FTO: variants seen among roughly 807,000 people sequenced by gnomAD.
FTO encodes the protein FTO alpha-ketoglutarate dependent dioxygenase, also known as alpha-ketoglutarate-dependent dioxygenase FTO.
A neutral mutation model predicts 63.9 loss-of-function variants in FTO; 47 were observed. The ratio of observed to expected loss-of-function variants is 0.74; its 90% CI spans 0.58 to 0.94. FTO has a LOEUF of 0.94. Among genes scored for constraint, FTO ranks in the 40% least tolerant of loss-of-function variants. FTO has a pLI of 0.00. For missense variants in FTO, 562 were observed against 618.1 expected, an observed-to-expected ratio of 0.91 and a Z score of 0.96; for synonymous variants, 207 against 224.4, an observed-to-expected ratio of 0.92 and a Z score of 0.69.
At chr16:53,881,122 AAAAT>A (rs60470419) in intron 6 of FTO, among the ~76,000 whole-genome samples, 7 of 145,520 alleles carry the variant, frequency 4.8e-5, no homozygotes, top group South Asian at 4.3e-4. Flanking sequence ...ACTCCGTCTC[AAAAT>A]AAATAAATAA....
chr16:53,939,399 A>C (rs564128275), intron 8 of FTO, among the ~76,000 whole-genome samples: 15 of 152,354 alleles, frequency 9.8e-5, no homozygotes, highest in African/African-American at 3.6e-4. Context: ...CAAACCAAAA[A>C]AAGAGATGAA....
chr16:53,876,629 G>A (rs536203201), intron 5 of FTO, among the ~76,000 whole-genome samples: 4 of 152,220 alleles, frequency 2.6e-5, no homozygotes, highest in East Asian at 1.9e-4. Flanking sequence ...CAAAGGAATC[G>A]AATTAACATG....
chr16:54,111,457 GA>G (rs1174205715), intron 8 of FTO, among the ~76,000 whole-genome samples: 2 of 152,268 alleles, frequency 1.3e-5, no homozygotes, highest in Admixed American at 6.5e-5. Flanking sequence ...TTGAGATAAT[GA>G]AAAAATAATT....
intron 7 of FTO, among the ~76,000 whole-genome samples, chr16:53,903,768 G>A (rs887978149): frequency 1.8e-4 from 28 of 152,016 alleles, no homozygotes; most frequent in Admixed American, 5.2e-4. Context: ...AATACATAAC[G>A]TTTTTCACAA....
chr16:53,839,503 A>G (rs1252762238), intron 3 of FTO, among the ~76,000 whole-genome samples: 1 of 152,150 alleles, frequency 6.6e-6, no homozygotes, highest in Non-Finnish European at 1.5e-5. Context: ...CCAAACTATC[A>G]TTTTACTGAG....
chr16:53,855,042 T>TTTTTTTTC (rs1397840530), intron 4 of FTO, among the ~76,000 whole-genome samples: 1 of 151,960 alleles, frequency 6.6e-6, no homozygotes, highest in Non-Finnish European at 1.5e-5. Flanking sequence ...ATTATTATTT[T>TTTTTTTTC]TTTTAGCTAT....
At chr16:53,981,135 G>A (rs187792618) in intron 8 of FTO, 54 of 152,282 alleles carry the variant, frequency 3.5e-4, no homozygotes, top group Admixed American at 1.6e-3. Flanking sequence ...GACCAGCCTG[G>A]GCAGCATAGC....
chr16:53,842,619 C>G (rs1460242622), intron 3 of FTO, among the ~76,000 whole-genome samples: 1 of 152,020 alleles, frequency 6.6e-6, no homozygotes, highest in Non-Finnish European at 1.5e-5. Context: ...ATTATCCTTC[C>G]AGAAAAATCA....
chr16:54,037,082 T>C (rs2084957780), intron 8 of FTO, among the ~76,000 whole-genome samples: 1 of 152,192 alleles, frequency 6.6e-6, no homozygotes, highest in African/African-American at 2.4e-5. Flanking sequence ...AGTTTTCATG[T>C]CTCAGGTCCA....
At chr16:53,833,012 T>C (rs1240225954) in intron 3 of FTO, among the ~76,000 whole-genome samples, 1 of 152,184 alleles carries the variant, frequency 6.6e-6, no homozygotes, top group Non-Finnish European at 1.5e-5. Flanking sequence ...TTGAATTGTA[T>C]CTCCCAGAAT....
chr16:53,957,656 C>T (rs2082960999), intron 8 of FTO, among the ~76,000 whole-genome samples: 5 of 152,252 alleles, frequency 3.3e-5, no homozygotes, highest in Admixed American at 2.6e-4. Flanking sequence ...ACGTTGTTCT[C>T]ATGAATCAAA....
At chr16:53,833,886 G>A (rs62033433) in intron 3 of FTO, among the ~76,000 whole-genome samples, 20,929 of 152,072 alleles carry the variant, frequency 0.14, 1,838 homozygotes, top group South Asian at 0.24. Context: ...TTGGAGACAT[G>A]TCTATTCAAG....
At chr16:54,095,105 A>G (rs879723372) in intron 8 of FTO, among the ~76,000 whole-genome samples, 4 of 151,976 alleles carry the variant, frequency 2.6e-5, no homozygotes, top group East Asian at 3.9e-4. Flanking sequence ...GAGTCTCGCT[A>G]TGTTACCAAA....
chr16:53,971,705 C>T (rs2083321599), intron 8 of FTO, among the ~76,000 whole-genome samples: 1 of 152,260 alleles, frequency 6.6e-6, no homozygotes, highest in African/African-American at 2.4e-5. Flanking sequence ...AGTGCTGCAG[C>T]TGCTACTTTT....
At chr16:54,096,753 G>A (rs1456517242) in intron 8 of FTO, among the ~76,000 whole-genome samples, 4 of 152,142 alleles carry the variant, frequency 2.6e-5, no homozygotes, top group Non-Finnish European at 5.9e-5. Flanking sequence ...GTGGTTGTGT[G>A]ACCTGGAACA....
intron 1 of FTO, among the ~76,000 whole-genome samples, chr16:53,734,076 G>C (rs2076333249): frequency 1.3e-5 from 2 of 152,150 alleles, no homozygotes; most frequent in South Asian, 4.1e-4. Flanking sequence ...GAATGGAAAA[G>C]TACCAAAAAA....
intron 8 of FTO, among the ~76,000 whole-genome samples, chr16:53,974,370 G>A (rs1044015242): frequency 3.3e-5 from 5 of 152,080 alleles, no homozygotes; most frequent in South Asian, 2.1e-4. Context: ...AATTATTTCC[G>A]TTTTTAGAAT....
In FTO at chr16:53,708,182, A is replaced by G. The variant is rs1346057577; in HGVS notation, c.45+3953A>G. Among the ~76,000 whole-genome samples, 4 of 152,182 alleles carry G rather than the reference A, an allele frequency of 2.6e-5. No individual in the cohort carries two copies. In the East Asian group the frequency reaches 5.8e-4, roughly 22 times the overall value. ...TTAGATCAAGACCAGCCTGGCCAAC[A>G]TGGTGAAACCCTGTCTCTACTAAAA... On this transcript the variant is annotated intron_variant, in intron 1 of 8. Transcript: ENST00000471389.
intron 2 of FTO, among the ~76,000 whole-genome samples, chr16:53,814,200 G>A (rs1438293124): frequency 6.6e-6 from 1 of 152,124 alleles, no homozygotes; most frequent in Non-Finnish European, 1.5e-5. Flanking sequence ...AACCACCAAG[G>A]GTCAAAGCAG....
Sources: allele counts gnomAD v4.1 joint callset (sites outside exome capture counted in the v4.1 genomes callset), GRCh38; gene constraint gnomAD v4.1.1; transcripts MANE v1.5; gene names NCBI Gene and HGNC (gene_info 2026-07-23, HGNC 2026-07-21).